The following CPM variants were observed in gnomAD, a reference collection of about 807,000 sequenced individuals.
CPM encodes carboxypeptidase M, also known as renal carboxypeptidase.
A neutral mutation model predicts 46.4 loss-of-function variants in CPM; 35 were observed. That is an observed-to-expected ratio of 0.75 (90% confidence interval 0.58 to 1.00). The LOEUF is 1.00. Among genes scored for constraint, CPM ranks in the 50% least tolerant of loss-of-function variants. The pLI, the probability that CPM is intolerant of heterozygous loss-of-function variation, is 0.00. For synonymous variants in CPM, 195 were observed against 195.3 expected, an observed-to-expected ratio of 1.00 and a Z score of 0.01; for missense variants, 422 against 530.4, an observed-to-expected ratio of 0.80 and a Z score of 2.01.
At chr12:68,865,958 C>T (rs769987562) in intron 7 of CPM, among the ~76,000 whole-genome samples, 4 of 152,144 alleles carry the variant, frequency 2.6e-5, no homozygotes, top group African/African-American at 9.7e-5. Flanking sequence ...TTTTAGCAAG[C>T]GCTCCCGGTG....
At chr12:68,934,893 T>A (rs1888643688), upstream of CPM, among the ~76,000 whole-genome samples, 1 of 147,844 alleles carries the variant, frequency 6.8e-6, no homozygotes, top group African/African-American at 2.6e-5. Flanking sequence ...AGAGTTGGAA[T>A]TTTTTTTTTA....
chr12:68,857,005 A>T (rs1885004945), intron 8 of CPM, among the ~76,000 whole-genome samples: 1 of 152,150 alleles, frequency 6.6e-6, no homozygotes, highest in South Asian at 2.1e-4. Flanking sequence ...GGGTAAAGAG[A>T]TAACTCTTTC....
At chr12:68,860,859 C>T (rs931906629) in intron 7 of CPM, among the ~76,000 whole-genome samples, 3 of 151,886 alleles carry the variant, frequency 2.0e-5, no homozygotes, top group Admixed American at 6.6e-5. Context: ...GATCAACAAA[C>T]ATTAATTCTT....
chr12:68,918,027 T>A (rs901051261), intron 2 of CPM, among the ~76,000 whole-genome samples: 2 of 152,204 alleles, frequency 1.3e-5, no homozygotes, highest in African/African-American at 2.4e-5. Flanking sequence ...CTGTAATAAA[T>A]CTTAGCCTTG....
intron 7 of CPM, among the ~76,000 whole-genome samples, chr12:68,860,761 C>G (rs1885172012): frequency 6.6e-6 from 1 of 152,218 alleles, no homozygotes; most frequent in South Asian, 2.1e-4. Context: ...CATTCCCAAG[C>G]CTCAATTTTA....
chr12:68,882,440 T>C (rs991541726), intron 3 of CPM, among the ~76,000 whole-genome samples: 8 of 152,228 alleles, frequency 5.3e-5, no homozygotes, highest in African/African-American at 1.9e-4. Flanking sequence ...GATGTATATG[T>C]ACCATGTTTT....
Position 68,933,166 on chromosome 12 carries a change from C to G in CPM, c.-28G>C, listed in dbSNP as rs920938928. 3 of 173,680 alleles carry G rather than the reference C, an allele frequency of 1.7e-5. No homozygotes were observed. Among genetic ancestry groups the G allele is most frequent in the Non-Finnish European group, 2.4e-5 (2 of 83,198 alleles). The allele number at this position is 173,680 out of a possible 1,614,324, so 10.8% of individuals were successfully genotyped here. A position where few individuals can be genotyped will look rare whatever the true frequency, so the allele number is the denominator to read the frequency against. Reference sequence around the variant, plus strand: ...CCAGGTCCCAGGCGCGCACCTCTACCCACCCGCGGCCGCCCGGCGGGGCCG... The same window carrying G: ...CCAGGTCCCAGGCGCGCACCTCTACGCACCCGCGGCCGCCCGGCGGGGCCG... On this transcript the variant is annotated 5_prime_UTR_variant, in exon 1 of 9. Transcript: ENST00000551568.
intron 2 of CPM, among the ~76,000 whole-genome samples, chr12:68,894,476 C>T (rs1886785784): frequency 6.6e-6 from 1 of 152,200 alleles, no homozygotes; most frequent in African/African-American, 2.4e-5. Flanking sequence ...TACCTGCTAA[C>T]ACAAATGCGC....
At chr12:68,868,443 T>C (rs1262774438) in intron 6 of CPM, among the ~76,000 whole-genome samples, 1 of 152,114 alleles carries the variant, frequency 6.6e-6, no homozygotes, top group Non-Finnish European at 1.5e-5. Context: ...CACGCAGAAA[T>C]GCATGCCGCA....
chr12:68,933,411 C>T (rs1888601659), upstream of CPM, among the ~76,000 whole-genome samples: 1 of 152,112 alleles, frequency 6.6e-6, no homozygotes, highest in South Asian at 2.1e-4. Context: ...ATGGAGTCGC[C>T]GCTCGCGGAC....
chr12:68,847,452 C>CTTTTTTTTTTTTTT (rs772905678), downstream of CPM: 78 of 88,694 alleles, frequency 8.8e-4, 17 homozygotes, highest in African/African-American at 4.0e-3. Context: ...TATCTCCTTT[C>CTTTTTTTTTTTTTT]TTTTTTTTTT....
chr12:68,936,821 G>T (rs1888681779), upstream of CPM, among the ~76,000 whole-genome samples: 1 of 152,150 alleles, frequency 6.6e-6, no homozygotes, highest in Non-Finnish European at 1.5e-5. Context: ...TTTAAATCAG[G>T]TTATGAGAAA....
intron 2 of CPM, among the ~76,000 whole-genome samples, chr12:68,915,139 A>G (rs747177470): frequency 1.2e-4 from 18 of 152,084 alleles, no homozygotes; most frequent in Non-Finnish European, 2.5e-4. Context: ...GGCTACAAAT[A>G]TTGCCAATTT....
chr12:68,893,149 CA>C lies in CPM; in HGVS notation c.161-7261del, dbSNP rs3046971. The stretch of plus-strand genomic sequence containing the variant: ...TAAATTAAAAAAAAACAAAAACTGA[CA>C]AAAAAAAAAAAAGACAGTAGGGTGG... On this transcript the variant is annotated intron_variant, in intron 2 of 8. Transcript: ENST00000551568. 1.2e-3 allele frequency among the ~76,000 whole-genome samples: 168 copies of C among 139,340 alleles called. 1 individual carries two copies. Among genetic ancestry groups the C allele is most frequent in the African/African-American group, 3.5e-3 (129 of 37,130 alleles). 91.4% of individuals were successfully genotyped at this position (139,340 alleles called of 152,430 possible).
upstream of CPM, among the ~76,000 whole-genome samples, chr12:68,934,502 C>T (rs777424882): frequency 6.6e-6 from 1 of 152,200 alleles, no homozygotes; most frequent in Admixed American, 6.5e-5. Flanking sequence ...AGAACTGAGG[C>T]GCTCTGCCCT....
chr12:68,946,903 A>G (rs1367372602), intron 1 of CPM, among the ~76,000 whole-genome samples: 4 of 152,226 alleles, frequency 2.6e-5, no homozygotes, highest in Non-Finnish European at 5.9e-5. Flanking sequence ...TCCAAATAAA[A>G]AAGTTTTCTT....
intron 2 of CPM, among the ~76,000 whole-genome samples, chr12:68,930,035 G>A (rs1430760843): frequency 6.6e-6 from 1 of 152,066 alleles, no homozygotes; most frequent in East Asian, 1.9e-4. Context: ...GTTAATACAT[G>A]TAATATAAAT....
At position 68,903,392 on chromosome 12, in the gene CPM, T is replaced by C. The variant is rs118183844; in HGVS notation, c.161-17503A>G. ...CACTGAATGTTAAGGCTCTGAACTG[T>C]CTGTCAGAGTAGGCCCAAGATTACA... On this transcript the variant is annotated intron_variant, in intron 2 of 8. Coordinates refer to ENST00000551568, the MANE Select transcript of CPM (RefSeq NM_198320.5). Among the ~76,000 whole-genome samples the C allele has an allele frequency of 2.3e-4, 35 of 152,348 alleles. 1 individual carries two copies. The East Asian group carries it at 6.2e-3, about 27-fold the overall frequency.
intron 2 of CPM, among the ~76,000 whole-genome samples, chr12:68,919,621 C>T (rs1244691868): frequency 6.6e-6 from 1 of 152,222 alleles, no homozygotes; most frequent in Non-Finnish European, 1.5e-5. Context: ...CTTAGAAGTA[C>T]ATGTTCTTAC....
Sources: allele counts gnomAD v4.1 joint callset (sites outside exome capture counted in the v4.1 genomes callset), GRCh38; gene constraint gnomAD v4.1.1; transcripts MANE v1.5; gene names NCBI Gene and HGNC (gene_info 2026-07-23, HGNC 2026-07-21).